PRELP: variants seen among roughly 807,000 people sequenced by gnomAD.
PRELP encodes the protein proline and arginine rich end leucine rich repeat protein.
In PRELP, 16 loss-of-function variants were observed where a neutral mutation model predicts 22.8. The ratio of observed to expected loss-of-function variants is 0.70; its 90% CI spans 0.47 to 1.06. The LOEUF (loss-of-function observed/expected upper bound fraction) is 1.06. Ranked by LOEUF, PRELP falls within the 50% of genes least tolerant of loss-of-function variation. The pLI is 0.00. For missense variants in PRELP, 434 were observed against 485.2 expected (o/e 0.89, Z 0.99); for synonymous variants, 233 against 211.4 (o/e 1.10, Z -0.89).
In PRELP at chr1:203,490,906, C is replaced by T. The variant is rs998655998; in HGVS notation, c.*4025C>T. The T allele has an allele frequency of 7.2e-5, 11 of 152,236 alleles. No homozygotes were observed. The highest frequency in any genetic ancestry group is 2.7e-4 in the African/African-American group (11 of 41,450). The allele number at this position is 152,236 out of a possible 1,614,324, so 9.4% of individuals were successfully genotyped here. ...TACATAGCAGCACATCCTTGAGGAA[C>T]TCATACCTTGGTAAAGGGAAAGAAA... On this transcript the variant is annotated 3_prime_UTR_variant, in exon 3 of 3. Coordinates refer to ENST00000343110, the MANE Select transcript of PRELP (RefSeq NM_002725.4).
intron 1 of PRELP, among the ~76,000 whole-genome samples, chr1:203,481,582 T>G (rs1661000951): frequency 6.6e-6 from 1 of 152,228 alleles, no homozygotes; most frequent in Non-Finnish European, 1.5e-5. Flanking sequence ...CAGACCTCCT[T>G]GGAGAGGCCT....
In PRELP at chr1:203,483,066, A is replaced by G. The variant is rs568640611; in HGVS notation, c.-16-103A>G. The stretch of plus-strand genomic sequence containing the variant: ...TTCCACAGCTCCCTGAGCTCTGCCC[A>G]TCTTCCCTAGAGCTCTAGTTCTGCC... On this transcript the variant is annotated intron_variant, in intron 1 of 2. Coordinates refer to ENST00000343110, the MANE Select transcript of PRELP (RefSeq NM_002725.4). The surrounding 1 kb of genome is among the most constrained non-coding windows in gnomAD (Gnocchi z 4.4). 2.1e-6 allele frequency: 2 copies of G among 949,158 alleles called. No homozygotes were observed. Among genetic ancestry groups the G allele is most frequent in the African/African-American group, 1.6e-5 (1 of 60,654 alleles). The allele number at this position is 949,158 out of a possible 1,614,324, so 58.8% of individuals were successfully genotyped here.
chr1:203,478,135 C>T (rs1034252217), intron 1 of PRELP, among the ~76,000 whole-genome samples: 1 of 152,188 alleles, frequency 6.6e-6, no homozygotes, highest in African/African-American at 2.4e-5. Flanking sequence ...ACTCATTTAA[C>T]CCTCAAAACA....
intron 2 of PRELP, among the ~76,000 whole-genome samples, chr1:203,485,360 A>C (rs1313988899): frequency 6.6e-6 from 1 of 152,178 alleles, no homozygotes; most frequent in Non-Finnish European, 1.5e-5. Flanking sequence ...CAACCTTCTA[A>C]GGTTGAAGTC....
intron 1 of PRELP, among the ~76,000 whole-genome samples, chr1:203,476,998 G>A (rs1660922165): frequency 1.3e-5 from 2 of 151,652 alleles, no homozygotes; most frequent in African/African-American, 2.4e-5. Context: ...ACTGAAGGGC[G>A]GCCCCTCTCC....
At chr1:203,486,160 A>G (rs1170458087) in intron 2 of PRELP, among the ~76,000 whole-genome samples, 1 of 152,166 alleles carries the variant, frequency 6.6e-6, no homozygotes, top group Admixed American at 6.5e-5. Context: ...TCCAGATTTA[A>G]CGCTCCAGGA....
At chr1:203,477,980 T>C (rs1211064328) in intron 1 of PRELP, among the ~76,000 whole-genome samples, 1 of 152,194 alleles carries the variant, frequency 6.6e-6, no homozygotes, top group African/African-American at 2.4e-5. Context: ...GTGGAAGAGC[T>C]GGTACCCCAC....
intron 1 of PRELP, among the ~76,000 whole-genome samples, chr1:203,482,146 C>A (rs887495876): frequency 1.3e-5 from 2 of 152,090 alleles, no homozygotes; most frequent in African/African-American, 4.8e-5. Flanking sequence ...GTTCATACAT[C>A]CTAACATCCC....
chr1:203,476,685 C>T (rs949391748), intron 1 of PRELP, among the ~76,000 whole-genome samples: 14 of 152,168 alleles, frequency 9.2e-5, no homozygotes, highest in Admixed American at 3.9e-4. Context: ...GAGAGAAAAA[C>T]GGCTTTTTCC....
In PRELP at chr1:203,491,287, C is replaced by G. The variant is rs1163339023; in HGVS notation, c.*4406C>G. 3.3e-5 allele frequency: 5 copies of G among 152,176 alleles called. No individual in the cohort carries two copies. The highest frequency in any genetic ancestry group is 6.5e-5 in the Admixed American group (1 of 15,278). The allele number at this position is 152,176 out of a possible 1,614,324, so 9.4% of individuals were successfully genotyped here. On this transcript the variant is annotated 3_prime_UTR_variant, in exon 3 of 3. Coordinates refer to ENST00000343110, the MANE Select transcript of PRELP (RefSeq NM_002725.4). The surrounding 1 kb of genome is among the most constrained non-coding windows in gnomAD (Gnocchi z 4.4). ...ATGGCCCCATCCCTATCTCCCTTCG[C>G]TGACTCTTTTCGGACTCAGCCCGCC...
intron 1 of PRELP, among the ~76,000 whole-genome samples, chr1:203,476,840 AT>A (rs1325479540): frequency 3.2e-4 from 47 of 144,888 alleles, no homozygotes; most frequent in Non-Finnish European, 2.3e-4. Context: ...TCATTTTTTT[AT>A]TTTTTTTTCC....
intron 1 of PRELP, among the ~76,000 whole-genome samples, chr1:203,476,801 A>G (rs1207188998): frequency 6.6e-6 from 1 of 152,184 alleles, no homozygotes; most frequent in Non-Finnish European, 1.5e-5. Flanking sequence ...CAATCCTTGA[A>G]GGTCCTAATT....
chr1:203,484,272 C>T, intron 2 of PRELP, 115 bp downstream of exon 2: 1 of 1,430,166 alleles, frequency 7.0e-7, no homozygotes, highest in Non-Finnish European at 9.3e-7. Flanking sequence ...CACTTTGGCA[C>T]TGGACTTCAA....
intron 1 of PRELP, among the ~76,000 whole-genome samples, 172 bp downstream of exon 1, chr1:203,476,110 T>C (rs1660908249): frequency 6.6e-6 from 1 of 152,208 alleles, no homozygotes; most frequent in African/African-American, 2.4e-5. Flanking sequence ...TTCTTTCCTA[T>C]AGCCTCTTCC....
rs1222728064 is a variant in PRELP at position 203,488,347 on chromosome 1, CCG to C, written c.*1467_*1468del. 6.6e-6 allele frequency: 1 copy of C among 152,190 alleles called. No individual in the cohort carries two copies. Among genetic ancestry groups the C allele is most frequent in the Non-Finnish European group, 1.5e-5 (1 of 68,074 alleles). 9.4% of individuals were successfully genotyped at this position (152,190 alleles called of 1,614,324 possible). A position where few individuals can be genotyped will look rare whatever the true frequency, so the allele number is the denominator to read the frequency against. ...CACCCTGGGCAACATGGTGAAACCC[CCG>C]TCTCTACTAAAATACAAAAAAATTA... On this transcript the variant is annotated 3_prime_UTR_variant, in exon 3 of 3. Coordinates refer to ENST00000343110, the MANE Select transcript of PRELP (RefSeq NM_002725.4).
At chr1:203,478,403 A>G in intron 1 of PRELP, among the ~76,000 whole-genome samples, 1 of 152,222 alleles carries the variant, frequency 6.6e-6, no homozygotes, top group East Asian at 1.9e-4. Context: ...CTCAGAATGG[A>G]AAACTTTCTC....
rs1010424261 is a variant in PRELP, at chr1:203,489,513, G to A, written c.*2632G>A. 7.9e-5 allele frequency: 12 copies of A among 152,234 alleles called. No homozygotes were observed. Among genetic ancestry groups the A allele is most frequent in the Admixed American group, 7.2e-4 (11 of 15,284 alleles). The allele number at this position is 152,234 out of a possible 1,614,324, so 9.4% of individuals were successfully genotyped here. On this transcript the variant is annotated 3_prime_UTR_variant, in exon 3 of 3. Coordinates refer to ENST00000343110, the MANE Select transcript of PRELP (RefSeq NM_002725.4). ...GTACGTAGGTGTATGTGTGTACTCT[G>A]CACGTATATCTCTTCTGTCTTGAAG...
chr1:203,478,104 ACACT>A (rs1188024008), intron 1 of PRELP, among the ~76,000 whole-genome samples: 1 of 152,180 alleles, frequency 6.6e-6, no homozygotes, highest in African/African-American at 2.4e-5. Context: ...CATTCAGAAA[ACACT>A]CACTTTGCAT....
rs1223017719 is a variant in PRELP at position 203,483,882 on chromosome 1, T to C, written c.698T>C (p.Leu233Pro). ...CAGCTCAACCTGGCCCACAACATCC[T>C]GAGAAAGATGCCGCCCAGGGTCCCC... ...LMQLNLAHNI[L>P]RKMPPRVPTA... Residue 233 changes from leucine to proline, a missense_variant, in exon 2 of 3, where the codon CTG becomes CCG. Coordinates refer to ENST00000343110, the MANE Select transcript of PRELP (RefSeq NM_002725.4). The surrounding 1 kb of genome is among the most constrained non-coding windows in gnomAD (Gnocchi z 4.4). The C allele has an allele frequency of 6.2e-7, 1 of 1,614,162 alleles. No individual in the cohort carries two copies. Among genetic ancestry groups the C allele is most frequent in the South Asian group, 1.1e-5 (1 of 91,086 alleles).
Sources: allele counts gnomAD v4.1 joint callset (sites outside exome capture counted in the v4.1 genomes callset), GRCh38; gene constraint gnomAD v4.1.1; non-coding constraint Gnocchi (gnomAD v3.1); transcripts MANE v1.5; gene names NCBI Gene and HGNC (gene_info 2026-07-23, HGNC 2026-07-21).